The following UNC13C variants were observed in gnomAD, a reference collection of about 807,000 sequenced individuals.
UNC13C encodes the protein protein unc-13 homolog C.
In UNC13C, 174 loss-of-function variants were observed where a neutral mutation model predicts 245.4. That is an observed-to-expected ratio of 0.71 (90% CI 0.63 to 0.80). UNC13C has a LOEUF of 0.80. UNC13C is among the 30% of genes least tolerant of loss of function. The probability of loss-of-function intolerance (pLI) is 0.00; values close to 1 mark genes in which losing one functional copy is unlikely to be tolerated. For synonymous variants in UNC13C, 992 were observed against 895.1 expected, an observed-to-expected ratio of 1.11 and a Z score of -1.93; for missense variants, 2,829 against 2,602.9, an observed-to-expected ratio of 1.09 and a Z score of -1.89.
At chr15:54,361,247 C>A (rs1458636633) in intron 17 of UNC13C, among the ~76,000 whole-genome samples, 1 of 151,938 alleles carries the variant, frequency 6.6e-6, no homozygotes, top group African/African-American at 2.4e-5. Flanking sequence ...ATTGTTGAGG[C>A]TTTCTAATGT....
chr15:54,226,005 T>G (rs1192280297), intron 4 of UNC13C, among the ~76,000 whole-genome samples: 1 of 152,230 alleles, frequency 6.6e-6, no homozygotes, highest in Non-Finnish European at 1.5e-5. Flanking sequence ...TATTGAGAGT[T>G]TTTAACATGA....
intron 17 of UNC13C, among the ~76,000 whole-genome samples, chr15:54,341,402 A>G (rs1406131357): frequency 2.0e-5 from 3 of 152,146 alleles, no homozygotes; most frequent in African/African-American, 7.2e-5. Context: ...GAGAGCTTAT[A>G]AAGATGGGAA....
chr15:54,246,961 G>A (rs1026013871), intron 7 of UNC13C, among the ~76,000 whole-genome samples: 1 of 152,118 alleles, frequency 6.6e-6, no homozygotes, highest in Non-Finnish European at 1.5e-5. Context: ...CACTCATTTT[G>A]CCAAATCCTG....
In UNC13C at chr15:54,012,867, T is replaced by G. The variant is rs766785618; in HGVS notation, c.-37T>G. 6.7e-7 allele frequency: 1 copy of G among 1,499,042 alleles called. No homozygotes were observed. The highest frequency in any genetic ancestry group is 9.0e-7 in the Non-Finnish European group (1 of 1,111,356). The allele number at this position is 1,499,042 out of a possible 1,614,324, so 92.9% of individuals were successfully genotyped here. On this transcript the variant is annotated 5_prime_UTR_variant, in exon 2 of 33. Coordinates refer to ENST00000260323, the MANE Select transcript of UNC13C (RefSeq NM_001080534.3). ...GGTTTTCATCCTGATACTTGTTTAC[T>G]TTTCTGGGGCAGAAAAGCTTGCACT...
At chr15:54,589,589 G>A (rs1358372379) in intron 30 of UNC13C, among the ~76,000 whole-genome samples, 3 of 152,010 alleles carry the variant, frequency 2.0e-5, no homozygotes, top group East Asian at 1.9e-4. Flanking sequence ...GAGCCACCGC[G>A]CCCAGCCAGC....
At chr15:53,991,561 C>G (rs1894390232) in intron 1 of UNC13C, among the ~76,000 whole-genome samples, 1 of 151,930 alleles carries the variant, frequency 6.6e-6, no homozygotes, top group Admixed American at 6.6e-5. Context: ...GTGAATCTTA[C>G]TGGGAAGGCT....
intron 4 of UNC13C, among the ~76,000 whole-genome samples, chr15:54,190,603 A>C (rs1412271924): frequency 1.3e-5 from 2 of 152,108 alleles, no homozygotes; most frequent in African/African-American, 4.8e-5. Context: ...TTTCTAGAAG[A>C]TATATTGTAT....
intron 31 of UNC13C, 137 bp from the exon 32 acceptor site, chr15:54,623,658 A>G: frequency 1.4e-6 from 1 of 726,516 alleles, no homozygotes; most frequent in Non-Finnish European, 2.2e-6. Flanking sequence ...ATTGTATTTT[A>G]TTGTCTTGGA....
chr15:54,339,640 G>GATATATATATATATATAT (rs61353129), intron 17 of UNC13C, among the ~76,000 whole-genome samples: 2 of 149,588 alleles, frequency 1.3e-5, no homozygotes, highest in African/African-American at 5.0e-5. Flanking sequence ...ATTATGTGGA[G>GATATATATATATATATAT]ATATATATAT....
the UNC13C span, among the ~76,000 whole-genome samples, chr15:53,845,079 A>T: frequency 1.3e-5 from 2 of 152,104 alleles, no homozygotes; most frequent in East Asian, 3.9e-4. Flanking sequence ...AAATCCCAGC[A>T]CTTTGGGAGG....
At chr15:54,100,403 AGCTTTCCTCCTACCTCACGGGCCATTC>A (rs2141154219) in intron 2 of UNC13C, among the ~76,000 whole-genome samples, 1 of 152,280 alleles carries the variant, frequency 6.6e-6, no homozygotes, top group African/African-American at 2.4e-5. Flanking sequence ...ACATTCATTT[AGCTTTCCTCCTACCTCACGGGCCATTC>A]CTTTTCAGAA....
chr15:54,273,687 A>G (rs1413440288), intron 10 of UNC13C, among the ~76,000 whole-genome samples: 1 of 152,152 alleles, frequency 6.6e-6, no homozygotes, highest in Admixed American at 6.5e-5. Flanking sequence ...TTGTGGGTTG[A>G]AGCAATTTCC....
intron 1 of UNC13C, among the ~76,000 whole-genome samples, chr15:54,011,424 A>G (rs1434255840): frequency 1.3e-5 from 2 of 152,222 alleles, no homozygotes; most frequent in African/African-American, 2.4e-5. Flanking sequence ...TTGGAAGACC[A>G]AAGATTTTGG....
chr15:54,473,168 T>C (rs1388065593), intron 19 of UNC13C, among the ~76,000 whole-genome samples: 1 of 151,842 alleles, frequency 6.6e-6, no homozygotes, highest in Admixed American at 6.6e-5. Context: ...TAAATATGTA[T>C]GCATTAGATG....
chr15:53,937,329 T>C, the UNC13C span, among the ~76,000 whole-genome samples: 25 of 151,880 alleles, frequency 1.6e-4, 1 homozygote, highest in South Asian at 1.7e-3. Context: ...CAGGCAAGAA[T>C]AGAGAAAAAA....
chr15:53,921,218 T>C, the UNC13C span, among the ~76,000 whole-genome samples: 1 of 152,140 alleles, frequency 6.6e-6, no homozygotes, highest in Non-Finnish European at 1.5e-5. Flanking sequence ...TATGGGAGAA[T>C]TGAATCAATG....
chr15:54,086,255 C>T (rs1419417335), intron 2 of UNC13C, among the ~76,000 whole-genome samples: 1 of 152,194 alleles, frequency 6.6e-6, no homozygotes, highest in African/African-American at 2.4e-5. Context: ...CTTCTATTCT[C>T]TATTTCCGTG....
At chr15:53,987,007 A>AGG (rs1310088847) in intron 1 of UNC13C, among the ~76,000 whole-genome samples, 2 of 152,058 alleles carry the variant, frequency 1.3e-5, no homozygotes, top group Non-Finnish European at 2.9e-5. Flanking sequence ...TTTACAGGTG[A>AGG]GGATACTACT....
the UNC13C span, among the ~76,000 whole-genome samples, chr15:53,906,734 C>T: frequency 4.6e-5 from 7 of 152,202 alleles, no homozygotes. Context: ...TATAAAGATA[C>T]TACCCGAGAT....
Sources: allele counts gnomAD v4.1 joint callset (sites outside exome capture counted in the v4.1 genomes callset), GRCh38; gene constraint gnomAD v4.1.1; transcripts MANE v1.5; gene names NCBI Gene and HGNC (gene_info 2026-07-23, HGNC 2026-07-21).